The following CYP2B6 variants were observed in gnomAD, a reference collection of about 807,000 sequenced individuals.
CYP2B6 encodes the protein cytochrome P450 family 2 subfamily B member 6.
CYP2B6 carries 35 observed loss-of-function variants against 43.4 expected under a neutral mutation model. That is an observed-to-expected ratio of 0.81 (90% CI 0.62 to 1.07). The LOEUF (loss-of-function observed/expected upper bound fraction) is 1.07. CYP2B6 is among the 50% of genes least tolerant of loss of function. The probability of loss-of-function intolerance (pLI) is 0.00; values close to 1 mark genes in which losing one functional copy is unlikely to be tolerated. For missense variants in CYP2B6, 624 were observed against 632.8 expected, an observed-to-expected ratio of 0.99 and a Z score of 0.15; for synonymous variants, 239 against 239.2, an observed-to-expected ratio of 1.00 and a Z score of 0.01.
intron 8 of CYP2B6, among the ~76,000 whole-genome samples, chr19:41,014,249 T>C (rs1214452216): frequency 1.2e-3 from 179 of 152,076 alleles, no homozygotes; most frequent in African/African-American, 4.1e-3. Flanking sequence ...ATTGGGAACA[T>C]GTGTGGTGAT....
chr19:41,014,431 G>A (rs557822936), intron 8 of CYP2B6, among the ~76,000 whole-genome samples: 153 of 151,692 alleles, frequency 1.0e-3, no homozygotes, highest in African/African-American at 3.5e-3. Flanking sequence ...TCAGCCTCCC[G>A]AGTACCTGAA....
At chr19:41,010,734 T>G (rs1406050287) in intron 6 of CYP2B6, among the ~76,000 whole-genome samples, 1 of 152,164 alleles carries the variant, frequency 6.6e-6, no homozygotes, top group Non-Finnish European at 1.5e-5. Flanking sequence ...TTAGGGTATT[T>G]ATCACCCAAA....
chr19:41,013,104 T>C, intron 8 of CYP2B6: 1 of 432,052 alleles, frequency 2.3e-6, no homozygotes, highest in South Asian at 2.1e-5. Context: ...GGCACCACTG[T>C]AAGCCCAGTG....
At chr19:40,998,626 A>G (rs1324098021) in intron 1 of CYP2B6, among the ~76,000 whole-genome samples, 1 of 137,380 alleles carries the variant, frequency 7.3e-6, no homozygotes, top group Non-Finnish European at 1.5e-5. Context: ...TCCTGTGTCC[A>G]TGTGATCTCA....
In CYP2B6 at chr19:41,009,743, G is replaced by GA. The variant is rs1969248904; in HGVS notation, c.823-251_823-250insA. 7 of 597,174 alleles carry GA rather than the reference G, an allele frequency of 1.2e-5. No individual in the cohort carries two copies. The South Asian group carries it at 1.4e-4, about 12-fold the overall frequency. The allele number at this position is 597,174 out of a possible 1,614,324, so 37.0% of individuals were successfully genotyped here. ...AACTCACAGAGGCAGAAAGAGACGG[G>GA]GACAAAAAGAGAGAAACACATCAAA... On this transcript the variant is annotated intron_variant, in intron 5 of 8. Coordinates refer to ENST00000324071, the MANE Select transcript of CYP2B6 (RefSeq NM_000767.5).
intron 8 of CYP2B6, among the ~76,000 whole-genome samples, chr19:41,014,398 C>T (rs1190395103): frequency 8.6e-4 from 131 of 151,988 alleles, no homozygotes; most frequent in African/African-American, 3.1e-3. Context: ...CTCTGCCTCC[C>T]AGGTTCAAGT....
At chr19:41,007,105 G>C (rs749059673) in intron 4 of CYP2B6, 40 bp downstream of exon 4, 9 of 1,597,418 alleles carry the variant, frequency 5.6e-6, no homozygotes, top group Non-Finnish European at 7.7e-6. Flanking sequence ...TGGGGGTGAG[G>C]TGAACACCCA....
At position 41,004,577 on chromosome 19, in the gene CYP2B6, CA is replaced by C. The variant is rs1599846388; in HGVS notation, c.484+132del. ...AGACGAAACTGGAGACACCATCAGA[CA>C]GAGGGATAGAGACAGAGAGGGAGAG... On this transcript the variant is annotated intron_variant, in intron 3 of 8. Coordinates refer to ENST00000324071, the MANE Select transcript of CYP2B6 (RefSeq NM_000767.5). 8 of 1,035,390 alleles carry C rather than the reference CA, an allele frequency of 7.7e-6. No homozygotes were observed. In the East Asian group the frequency reaches 1.8e-4, roughly 24 times the overall value. The allele number at this position is 1,035,390 out of a possible 1,614,324, so 64.1% of individuals were successfully genotyped here.
Position 41,007,396 on chromosome 19 carries a change from G to C in CYP2B6, c.645+331G>C, listed in dbSNP as rs1408724498. Reference sequence around the variant, plus strand: ...AGTTGATGAGAATGAGTGTGAAAGAGAGGGAGAGAGAGAGAACGAATAAGG... The same window carrying C: ...AGTTGATGAGAATGAGTGTGAAAGACAGGGAGAGAGAGAGAACGAATAAGG... On this transcript the variant is annotated intron_variant, in intron 4 of 8. Transcript: ENST00000324071. 6 of 328,346 alleles carry C rather than the reference G, an allele frequency of 1.8e-5. No individual in the cohort carries two copies. In the East Asian group the frequency reaches 3.2e-4, roughly 18 times the overall value. 20.3% of individuals were successfully genotyped at this position (328,346 alleles called of 1,614,324 possible).
chr19:41,009,084 G>A (rs1322185238), intron 4 of CYP2B6, 135 bp from the exon 5 acceptor site: 1 of 714,494 alleles, frequency 1.4e-6, no homozygotes, highest in African/African-American at 1.8e-5. Context: ...TAGAGTCAGT[G>A]AGTGAGGGGT....
chr19:41,009,109 G>A (rs1476960704), intron 4 of CYP2B6, 110 bp from the exon 5 acceptor site: 1 of 813,688 alleles, frequency 1.2e-6, no homozygotes, highest in Non-Finnish European at 2.1e-6. Flanking sequence ...AGGCAGAGGG[G>A]AGTGGGGAAG....
chr19:41,002,174 G>A (rs2144665089), intron 1 of CYP2B6, among the ~76,000 whole-genome samples: 1 of 152,230 alleles, frequency 6.6e-6, no homozygotes, highest in Admixed American at 6.5e-5. Context: ...GCCTTGGTGA[G>A]CACGTGGATA....
In CYP2B6 at chr19:41,017,268, C is replaced by A. The variant is rs922699028; in HGVS notation, c.*441C>A. ...GTGTAGGCCAGGCTGGTCTCGAACT[C>A]CTGAACTCAAGTGATTCACCCACCT... On this transcript the variant is annotated 3_prime_UTR_variant, in exon 9 of 9. Coordinates refer to ENST00000324071, the MANE Select transcript of CYP2B6 (RefSeq NM_000767.5). The A allele has an allele frequency of 1.3e-5, 2 of 153,068 alleles. No individual in the cohort carries two copies. Among genetic ancestry groups the A allele is most frequent in the Non-Finnish European group, 2.9e-5 (2 of 68,644 alleles). 9.5% of individuals were successfully genotyped at this position (153,068 alleles called of 1,614,324 possible).
At chr19:41,012,861 A>C in intron 8 of CYP2B6, 46 bp downstream of exon 8, 4 of 1,605,956 alleles carry the variant, frequency 2.5e-6, no homozygotes, top group Non-Finnish European at 3.4e-6. Context: ...GAGGGCAGGT[A>C]CTATCCCCAA....
chr19:41,016,060 C>CA (rs1439506975), intron 8 of CYP2B6, among the ~76,000 whole-genome samples: 202 of 151,638 alleles, frequency 1.3e-3, no homozygotes, highest in African/African-American at 4.7e-3. Context: ...TGGGTTTCAC[C>CA]AACCCTTTGG....
chr19:41,010,226 G>A, intron 6 of CYP2B6, 91 bp downstream of exon 6: 2 of 1,507,630 alleles, frequency 1.3e-6, no homozygotes, highest in Admixed American at 3.4e-5. Context: ...TGAGAGAGGG[G>A]ATGCTGGCTT....
intron 1 of CYP2B6, among the ~76,000 whole-genome samples, chr19:41,002,240 T>C (rs1262130651): frequency 6.6e-6 from 1 of 152,102 alleles, no homozygotes; most frequent in African/African-American, 2.4e-5. Context: ...GTGAAACAAT[T>C]GTTAAGTGGA....
chr19:40,996,077 C>T (rs1968995733), intron 1 of CYP2B6, among the ~76,000 whole-genome samples: 2 of 152,038 alleles, frequency 1.3e-5, no homozygotes, highest in African/African-American at 4.8e-5. Context: ...TCCGGTGACC[C>T]TGCAGCTGTG....
At chr19:41,005,806 A>G in intron 3 of CYP2B6, among the ~76,000 whole-genome samples, 1 of 151,912 alleles carries the variant, frequency 6.6e-6, no homozygotes. Flanking sequence ...TAATAATAAA[A>G]TAAAGAACGG....
Sources: allele counts gnomAD v4.1 joint callset (sites outside exome capture counted in the v4.1 genomes callset), GRCh38; gene constraint gnomAD v4.1.1; transcripts MANE v1.5; gene names NCBI Gene and HGNC (gene_info 2026-07-23, HGNC 2026-07-21).